LRRC4C: variants seen among roughly 807,000 people sequenced by gnomAD.
LRRC4C encodes the protein leucine rich repeat containing 4C.
LRRC4C carries 5 observed loss-of-function variants against 33.6 expected under a neutral mutation model. The observed-to-expected ratio is 0.15, with a 90% CI of 0.08 to 0.31. LRRC4C has a LOEUF of 0.31. Among genes scored for constraint, LRRC4C ranks in the 10% least tolerant of loss-of-function variants. The pLI, the probability that LRRC4C is intolerant of heterozygous loss-of-function variation, is 1.00. For synonymous variants in LRRC4C, 329 were observed against 302.0 expected (o/e 1.09, Z -0.93); for missense variants, 560 against 796.7 (o/e 0.70, Z 3.58).
intron 3 of LRRC4C, among the ~76,000 whole-genome samples, chr11:40,347,031 C>T (rs1194124817): frequency 6.6e-6 from 1 of 152,160 alleles, no homozygotes; most frequent in East Asian, 1.9e-4. Context: ...TAAGAGTCAG[C>T]CTGTTCTTTG....
intron 2 of LRRC4C, among the ~76,000 whole-genome samples, chr11:40,912,799 C>A (rs1252738571): frequency 1.3e-5 from 2 of 152,052 alleles, no homozygotes; most frequent in Non-Finnish European, 2.9e-5. Flanking sequence ...ATTCAGGAAA[C>A]CCATCTCACA....
At chr11:40,131,603 C>T (rs766199936) in intron 6 of LRRC4C, among the ~76,000 whole-genome samples, 7 of 152,078 alleles carry the variant, frequency 4.6e-5, no homozygotes, top group Admixed American at 6.6e-5. Context: ...ATCAGAGACA[C>T]AAATTTTTGT....
chr11:40,959,270 C>G (rs1056810935), intron 1 of LRRC4C, among the ~76,000 whole-genome samples: 6 of 151,530 alleles, frequency 4.0e-5, no homozygotes, highest in Admixed American at 3.3e-4. Flanking sequence ...AATTGTGTCT[C>G]ATAGAATTAC....
chr11:41,022,061 T>C (rs769767995), intron 1 of LRRC4C, among the ~76,000 whole-genome samples: 20 of 151,380 alleles, frequency 1.3e-4, no homozygotes, highest in Non-Finnish European at 2.8e-4. Context: ...ATATTCACCA[T>C]TTCTTATCTG....
chr11:40,837,810 A>G (rs1403136097), intron 2 of LRRC4C, among the ~76,000 whole-genome samples: 1 of 151,938 alleles, frequency 6.6e-6, no homozygotes, highest in Admixed American at 6.6e-5. Flanking sequence ...TGATCACATG[A>G]CTGCACTGCC....
chr11:40,978,489 G>T (rs1314919442), intron 1 of LRRC4C, among the ~76,000 whole-genome samples: 1 of 152,146 alleles, frequency 6.6e-6, no homozygotes, highest in East Asian at 1.9e-4. Flanking sequence ...GTAGAGACCA[G>T]GGATATTGCT....
intron 4 of LRRC4C, among the ~76,000 whole-genome samples, chr11:40,295,130 C>A (rs1944445706): frequency 6.6e-6 from 1 of 152,162 alleles, no homozygotes; most frequent in African/African-American, 2.4e-5. Context: ...TTCAAATTCA[C>A]TGGGTCTCCT....
At chr11:40,371,693 A>G (rs933093450) in intron 3 of LRRC4C, among the ~76,000 whole-genome samples, 9 of 152,234 alleles carry the variant, frequency 5.9e-5, no homozygotes, top group African/African-American at 2.2e-4. Context: ...GACAAAGCCT[A>G]TGGTTTGATG....
intron 2 of LRRC4C, among the ~76,000 whole-genome samples, chr11:40,748,247 T>C (rs1948523055): frequency 6.6e-6 from 1 of 151,988 alleles, no homozygotes; most frequent in African/African-American, 2.4e-5. Context: ...AAGAATAGGA[T>C]AATATATTTA....
chr11:41,359,727 C>A (rs956425595), intron 1 of LRRC4C, among the ~76,000 whole-genome samples: 2 of 151,958 alleles, frequency 1.3e-5, no homozygotes, highest in African/African-American at 2.4e-5. Context: ...AAAAATAAAT[C>A]ATAGAGAAGG....
At chr11:40,771,270 C>T (rs777685413) in intron 2 of LRRC4C, among the ~76,000 whole-genome samples, 1 of 152,176 alleles carries the variant, frequency 6.6e-6, no homozygotes, top group African/African-American at 2.4e-5. Flanking sequence ...GGGGCTTGCA[C>T]CCTGTGAAGC....
At chr11:40,861,642 G>T (rs930913439) in intron 2 of LRRC4C, among the ~76,000 whole-genome samples, 3 of 152,202 alleles carry the variant, frequency 2.0e-5, no homozygotes, top group Admixed American at 2.0e-4. Context: ...AGAAGGCACG[G>T]TTATTGTGTT....
At chr11:40,463,308 GT>G (rs1952495497) in intron 3 of LRRC4C, among the ~76,000 whole-genome samples, 2 of 33,784 alleles carry the variant, frequency 5.9e-5, no homozygotes, top group Non-Finnish European at 1.5e-4. Flanking sequence ...TGTTACTGGT[GT>G]GTGTGTGTGT....
At chr11:40,244,022 T>C (rs916012876) in intron 4 of LRRC4C, among the ~76,000 whole-genome samples, 1 of 151,928 alleles carries the variant, frequency 6.6e-6, no homozygotes, top group Non-Finnish European at 1.5e-5. Context: ...TATTAACCAA[T>C]CATCACATCT....
chr11:40,248,672 G>A (rs1866532286), intron 4 of LRRC4C, among the ~76,000 whole-genome samples: 2 of 152,068 alleles, frequency 1.3e-5, no homozygotes. Context: ...ACTTACACTG[G>A]TCTGGGTGAC....
chr11:40,936,650 T>C (rs1957916374), intron 1 of LRRC4C, among the ~76,000 whole-genome samples: 8 of 152,124 alleles, frequency 5.3e-5, no homozygotes, highest in Admixed American at 5.2e-4. Context: ...TCTAACACTT[T>C]CAAGCACTTA....
At chr11:40,262,064 T>C (rs1467637131) in intron 4 of LRRC4C, among the ~76,000 whole-genome samples, 1 of 151,912 alleles carries the variant, frequency 6.6e-6, no homozygotes, top group Non-Finnish European at 1.5e-5. Flanking sequence ...TGGGAGAAAA[T>C]TTTTGCAATC....
intron 3 of LRRC4C, among the ~76,000 whole-genome samples, chr11:40,510,557 C>T (rs978293711): frequency 2.0e-5 from 3 of 152,082 alleles, no homozygotes; most frequent in African/African-American, 7.2e-5. Context: ...AGTATCTTGC[C>T]ATTAGCTAAA....
intron 2 of LRRC4C, among the ~76,000 whole-genome samples, chr11:40,854,555 T>C (rs977661611): frequency 6.6e-6 from 1 of 152,154 alleles, no homozygotes; most frequent in Non-Finnish European, 1.5e-5. Flanking sequence ...AGCTGTGGAC[T>C]TTTTTCATTT....
Sources: gnomAD v4.1 joint callset for allele counts (sites outside exome capture counted in the v4.1 genomes callset) on GRCh38, gnomAD v4.1.1 for gene constraint, MANE v1.5 for transcripts, NCBI Gene and HGNC (gene_info 2026-07-23, HGNC 2026-07-21) for gene names.